FBLN5: variants seen among roughly 807,000 people sequenced by gnomAD.
FBLN5 encodes fibulin 5.
Under a neutral mutation model 61.6 loss-of-function variants are expected in FBLN5, and 24 were observed. The observed-to-expected ratio is 0.39, with a 90% CI of 0.28 to 0.55. The LOEUF (loss-of-function observed/expected upper bound fraction) is 0.55. Ranked by LOEUF, FBLN5 falls within the 20% of genes least tolerant of loss-of-function variation. FBLN5 has a pLI of 0.65. For synonymous variants in FBLN5, 213 were observed against 219.8 expected, an observed-to-expected ratio of 0.97 and a Z score of 0.27; for missense variants, 470 against 594.1, an observed-to-expected ratio of 0.79 and a Z score of 2.17.
rs60216411 is a variant in FBLN5, at chr14:91,895,797, C to CAAAAAA, written c.380-731_380-726dup. Among the ~76,000 whole-genome samples, 342 of 63,474 alleles carry CAAAAAA rather than the reference C, an allele frequency of 5.4e-3. 19 individuals are homozygous for CAAAAAA. Among genetic ancestry groups the CAAAAAA allele is most frequent in the African/African-American group, 0.022 (320 of 14,224 alleles). The allele number at this position is 63,474 out of a possible 152,430, so 41.6% of individuals were successfully genotyped here. A position where few individuals can be genotyped will look rare whatever the true frequency, so the allele number is the denominator to read the frequency against. The stretch of plus-strand genomic sequence containing the variant: ...TGGGAGACAGAGTGAGACCCTGTCT[C>CAAAAAA]AAAAAAAAAAAAAAAAAAAAAAAAA... On this transcript the variant is annotated intron_variant, in intron 4 of 10. Transcript: ENST00000342058.
intron 4 of FBLN5, among the ~76,000 whole-genome samples, chr14:91,910,268 A>G (rs1004231678): frequency 2.6e-5 from 4 of 152,206 alleles, no homozygotes; most frequent in Non-Finnish European, 5.9e-5. Flanking sequence ...GAAACACGCC[A>G]CTCACAAAAA....
chr14:91,883,664 A>AAACAC (rs758858453), intron 7 of FBLN5, among the ~76,000 whole-genome samples: 7 of 148,396 alleles, frequency 4.7e-5, no homozygotes, highest in African/African-American at 1.8e-4. Context: ...AAACAAAAAA[A>AAACAC]ACACACACAC....
chr14:91,894,258 G>A (rs1890114797), intron 5 of FBLN5, among the ~76,000 whole-genome samples: 1 of 151,312 alleles, frequency 6.6e-6, no homozygotes, highest in African/African-American at 2.4e-5. Flanking sequence ...TATTAGCTGG[G>A]CATGGTGGCA....
At chr14:91,894,859 C>T in intron 5 of FBLN5, 91 bp downstream of exon 5, 1 of 828,666 alleles carries the variant, frequency 1.2e-6, no homozygotes, top group African/African-American at 1.8e-5. Flanking sequence ...AGCTTACTAC[C>T]CTCAGGCAGC....
rs373274789 is a variant in FBLN5, at chr14:91,870,253, G to A, written c.1318C>T (p.Arg440Trp). Residue 440 changes from arginine to tryptophan, a missense_variant, in exon 11 of 11, where the codon CGG (arginine) becomes TGG (tryptophan). Transcript: ENST00000342058. ...AATGGGTACTGCGACACATATATCC[G>A]CAGTCGGATCACGGAGCTGCCTCTG... ...NFRGSSVIRL[R>W]IYVSQYPF 3.0e-5 allele frequency: 49 copies of A among 1,614,074 alleles called. No individual in the cohort carries two copies. The highest frequency in any genetic ancestry group is 8.0e-5 in the African/African-American group (6 of 74,924).
chr14:91,890,860 G>C (rs565098216), intron 6 of FBLN5, among the ~76,000 whole-genome samples: 7 of 152,260 alleles, frequency 4.6e-5, no homozygotes, highest in Admixed American at 4.6e-4. Context: ...CCCTCCTCAG[G>C]CCTCAGGAAC....
chr14:91,884,000 C>T (rs921148210), intron 7 of FBLN5, among the ~76,000 whole-genome samples: 1 of 152,246 alleles, frequency 6.6e-6, no homozygotes. Flanking sequence ...ACATGTTGTT[C>T]TTGCATTTGT....
rs768283482 is a variant in FBLN5, at chr14:91,887,273, G to T, written c.659C>A (p.Thr220Asn). 9.9e-6 allele frequency: 16 copies of T among 1,613,296 alleles called. No homozygotes were observed. The Admixed American group carries it at 1.0e-4, about 10-fold the overall frequency. ...GAAAGAGCCGTAGGTGTTGACGCAG[G>T]TTTGCACGCAGGGGTTCTCGGTGGC... ...ECATENPCVQ[T>N]CVNTYGSFIC... Residue 220 changes from threonine to asparagine, a missense_variant, in exon 7 of 11, where the codon ACC (threonine) becomes AAC (asparagine). Coordinates refer to ENST00000342058, the MANE Select transcript of FBLN5 (RefSeq NM_006329.4).
rs143609296 is a variant in FBLN5 at position 91,934,588 on chromosome 14, C to T, written c.379+2359G>A. 3.1e-3 allele frequency among the ~76,000 whole-genome samples: 470 copies of T among 152,290 alleles called. 2 individuals are homozygous for T. The highest frequency in any genetic ancestry group is 0.011 in the African/African-American group (453 of 41,558). On this transcript the variant is annotated intron_variant, in intron 4 of 10. Coordinates refer to ENST00000342058, the MANE Select transcript of FBLN5 (RefSeq NM_006329.4). ...GACAAGACACCTTTGGAGATGTTTCCTCCTCTCCTAGAACACTAAAGTTTC... is the reference window on the plus strand; with the variant it reads ...GACAAGACACCTTTGGAGATGTTTCTTCCTCTCCTAGAACACTAAAGTTTC...
rs1161098680 is a variant in FBLN5 at position 91,881,375 on chromosome 14, C to T, written c.906G>A (p.Gln302=). ...CEHRNHTCNL[Q]QTCYNLQGGF... Reference sequence around the variant, plus strand: ...CCCCTTGTAAATTGTAGCACGTCTGCTGCAGGTTGCACGTGTGGTTCCTGT... The same window carrying T: ...CCCCTTGTAAATTGTAGCACGTCTGTTGCAGGTTGCACGTGTGGTTCCTGT... Residue 302 remains glutamine, a synonymous_variant, in exon 9 of 11, where the codon CAG becomes CAA. Coordinates refer to ENST00000342058, the MANE Select transcript of FBLN5 (RefSeq NM_006329.4). 6.2e-7 allele frequency: 1 copy of T among 1,614,208 alleles called. No individual in the cohort carries two copies. Among genetic ancestry groups the T allele is most frequent in the South Asian group, 1.1e-5 (1 of 91,090 alleles).
intron 4 of FBLN5, among the ~76,000 whole-genome samples, chr14:91,916,401 C>T (rs768660698): frequency 3.9e-5 from 6 of 152,154 alleles, no homozygotes; most frequent in African/African-American, 1.2e-4. Flanking sequence ...GAGAGGAGAT[C>T]GCACCACTGC....
chr14:91,879,664 G>T (rs2139953820), intron 9 of FBLN5, among the ~76,000 whole-genome samples: 1 of 152,360 alleles, frequency 6.6e-6, no homozygotes, highest in Middle Eastern at 3.4e-3. Context: ...CTTACGTCGG[G>T]GGTCAAAGAG....
chr14:91,910,663 C>A (rs1304407794), intron 4 of FBLN5, among the ~76,000 whole-genome samples: 1 of 152,176 alleles, frequency 6.6e-6, no homozygotes, highest in African/African-American at 2.4e-5. Flanking sequence ...AAAAGTCCAG[C>A]AGCCATCCTG....
intron 2 of FBLN5, chr14:91,942,065 A>T (rs2056114083): frequency 2.2e-6 from 1 of 450,380 alleles, no homozygotes; most frequent in Non-Finnish European, 4.5e-6. Flanking sequence ...CTGCTCAGAG[A>T]TAGGGCTTCT....
rs1891059950 is a variant in FBLN5 at position 91,913,694 on chromosome 14, G to T, written c.380-18622C>A. 3.9e-5 allele frequency among the ~76,000 whole-genome samples: 6 copies of T among 152,314 alleles called. No individual in the cohort carries two copies. In the South Asian group the frequency reaches 1.2e-3, roughly 32 times the overall value. ...ACTCAACTATCATTCAATTATATCA[G>T]CAAATACTTACTAAATGACATCTAC... On this transcript the variant is annotated intron_variant, in intron 4 of 10. Transcript: ENST00000342058.
In FBLN5 at chr14:91,940,603, T is replaced by C; in HGVS notation, c.86A>G (p.Asn29Ser). 1 of 1,614,034 alleles carries C rather than the reference T, an allele frequency of 6.2e-7. No homozygotes were observed. Among genetic ancestry groups the C allele is most frequent in the Non-Finnish European group, 8.5e-7 (1 of 1,179,944 alleles). ...SPGNAQAQCT[N>S]GFDLDRQSGQ... ...TGACTGGCGATCCAGGTCAAAGCCA[T>C]TCGTGCACTGTGCCTGCAGGGAAGG... Residue 29 changes from asparagine to serine, a missense_variant, in exon 3 of 11, where the codon AAT becomes AGT. By Grantham distance (46) the Asn-to-Ser change is conservative. Coordinates refer to ENST00000342058, the MANE Select transcript of FBLN5 (RefSeq NM_006329.4).
At chr14:91,928,837 T>C (rs1030666083) in intron 4 of FBLN5, among the ~76,000 whole-genome samples, 2 of 151,986 alleles carry the variant, frequency 1.3e-5, no homozygotes, top group African/African-American at 4.8e-5. Context: ...GGTGGGCAGA[T>C]CATGAGATCA....
chr14:91,946,808 T>C, intron 1 of FBLN5: 1 of 1,534,568 alleles, frequency 6.5e-7, no homozygotes, highest in Non-Finnish European at 8.7e-7. Context: ...GGTGTTCAGC[T>C]AGCCTGTCTG....
chr14:91,873,012 C>T (rs565579347), intron 10 of FBLN5, among the ~76,000 whole-genome samples: 17 of 152,218 alleles, frequency 1.1e-4, no homozygotes, highest in South Asian at 4.2e-4. Context: ...CTCCTGAGTA[C>T]GAAAGAATCC....
Sources: gnomAD v4.1 joint callset for allele counts (sites outside exome capture counted in the v4.1 genomes callset) on GRCh38, gnomAD v4.1.1 for gene constraint, MANE v1.5 for transcripts, NCBI Gene and HGNC (gene_info 2026-07-23, HGNC 2026-07-21) for gene names.